The following KCNJ12 variants were observed in gnomAD, a reference collection of about 807,000 sequenced individuals.
KCNJ12 encodes ATP-sensitive inward rectifier potassium channel 12.
In KCNJ12, 2 loss-of-function variants were observed where a neutral mutation model predicts 22.3. The observed-to-expected ratio is 0.09, with a 90% confidence interval of 0.04 to 0.28. KCNJ12 has a LOEUF of 0.28. Among genes scored for constraint, KCNJ12 ranks in the 10% least tolerant of loss-of-function variants. KCNJ12 has a pLI of 1.00. For missense variants in KCNJ12, 155 were observed against 633.3 expected (o/e 0.24, Z 8.11); for synonymous variants, 117 against 261.4 (o/e 0.45, Z 5.33).
intron 1 of KCNJ12, among the ~76,000 whole-genome samples, chr17:21,394,722 G>A (rs1905295386): frequency 6.6e-6 from 1 of 152,172 alleles, no homozygotes; most frequent in South Asian, 2.1e-4. Flanking sequence ...GTGTGGTCAG[G>A]GCTGTGGCAG....
chr17:21,389,557 C>T (rs935690135), intron 1 of KCNJ12, among the ~76,000 whole-genome samples: 3 of 152,182 alleles, frequency 2.0e-5, no homozygotes, highest in African/African-American at 7.2e-5. Context: ...TACTTACCCA[C>T]TCACTCATTC....
chr17:21,402,520 T>C (rs1286552805), intron 1 of KCNJ12, among the ~76,000 whole-genome samples: 20 of 152,310 alleles, frequency 1.3e-4, no homozygotes, highest in Non-Finnish European at 2.9e-4. Context: ...AAATGGGGCC[T>C]GGGGCAGAGC....
chr17:21,410,815 C>T (rs1338488613), intron 2 of KCNJ12, among the ~76,000 whole-genome samples: 1 of 152,304 alleles, frequency 6.6e-6, no homozygotes, highest in Non-Finnish European at 1.5e-5. Context: ...CTCAATCTTC[C>T]TAGGCTTCCG....
At chr17:21,386,886 C>T (rs1008295493) in intron 1 of KCNJ12, among the ~76,000 whole-genome samples, 3 of 152,348 alleles carry the variant, frequency 2.0e-5, no homozygotes, top group Non-Finnish European at 2.9e-5. Context: ...TCTATATTTG[C>T]AAAGGCTCTT....
At chr17:21,412,046 A>ACG (rs1468204278) in intron 2 of KCNJ12, among the ~76,000 whole-genome samples, 5 of 152,124 alleles carry the variant, frequency 3.3e-5, no homozygotes, top group African/African-American at 9.7e-5. Flanking sequence ...ACACACACGC[A>ACG]CACACGGCAG....
intron 1 of KCNJ12, among the ~76,000 whole-genome samples, chr17:21,406,735 G>T (rs1374084171): frequency 6.6e-6 from 1 of 152,308 alleles, no homozygotes; most frequent in Non-Finnish European, 1.5e-5. Context: ...GGCTAATGAG[G>T]TGGGGGTGAC....
At chr17:21,383,644 C>T (rs1555558294) in intron 1 of KCNJ12, among the ~76,000 whole-genome samples, 1 of 152,210 alleles carries the variant, frequency 6.6e-6, no homozygotes, top group African/African-American at 2.4e-5. Flanking sequence ...AATCACAAGC[C>T]ACCCCCAGCC....
At chr17:21,407,324 CCACTCATT>C (rs1166648598) in intron 1 of KCNJ12, among the ~76,000 whole-genome samples, 423 of 152,274 alleles carry the variant, frequency 2.8e-3, no homozygotes, top group Non-Finnish European at 4.7e-3. Flanking sequence ...ATCCACTCAT[CCACTCATT>C]CACTCCACCC....
At chr17:21,398,384 G>A (rs923904815) in intron 1 of KCNJ12, among the ~76,000 whole-genome samples, 5 of 152,150 alleles carry the variant, frequency 3.3e-5, no homozygotes, top group Admixed American at 2.0e-4. Flanking sequence ...ATGTGCAGCC[G>A]AGGGAATGAA....
At chr17:21,385,140 C>G (rs1905032855) in intron 1 of KCNJ12, among the ~76,000 whole-genome samples, 1 of 152,184 alleles carries the variant, frequency 6.6e-6, no homozygotes, top group African/African-American at 2.4e-5. Flanking sequence ...CCTTGTCATT[C>G]CTTGGAACCT....
At chr17:21,379,773 G>A (rs1904799971) in intron 1 of KCNJ12, among the ~76,000 whole-genome samples, 1 of 150,696 alleles carries the variant, frequency 6.6e-6, no homozygotes, top group African/African-American at 2.4e-5. Context: ...CAGAGCTTCA[G>A]AGGCACCATG....
chr17:21,394,164 A>G (rs1905276569), intron 1 of KCNJ12, among the ~76,000 whole-genome samples: 1 of 152,182 alleles, frequency 6.6e-6, no homozygotes, highest in Admixed American at 6.5e-5. Context: ...GAGGGTGTGT[A>G]TGAGAGTGAT....
At chr17:21,408,205 A>G (rs1906097691) in intron 1 of KCNJ12, among the ~76,000 whole-genome samples, 1 of 152,300 alleles carries the variant, frequency 6.6e-6, no homozygotes, top group South Asian at 2.1e-4. Context: ...ACCTTGTGTA[A>G]TTGTGAGGAT....
intron 1 of KCNJ12, among the ~76,000 whole-genome samples, chr17:21,394,192 G>A (rs1456816249): frequency 6.6e-6 from 1 of 152,122 alleles, no homozygotes; most frequent in African/African-American, 2.4e-5. Context: ...GATCATCAAG[G>A]GGCTGCCCTA....
At position 21,390,442 on chromosome 17, in the gene KCNJ12, G is replaced by A. The variant is rs564027145; in HGVS notation, c.-179+13529G>A. On this transcript the variant is annotated intron_variant, in intron 1 of 2. Coordinates refer to ENST00000583088, the MANE Select transcript of KCNJ12 (RefSeq NM_021012.5). ...CATAGACTCCATGGGAGAGGGACTCGCTTCTGGAGAAGGGGCCCAGACCTG... is the reference window on the plus strand; with the variant it reads ...CATAGACTCCATGGGAGAGGGACTCACTTCTGGAGAAGGGGCCCAGACCTG... Among the ~76,000 whole-genome samples, 6 of 152,346 alleles carry A rather than the reference G, an allele frequency of 3.9e-5. No homozygotes were observed. In the South Asian group the frequency reaches 1.0e-3, roughly 26 times the overall value.
At chr17:21,406,124 G>C in intron 1 of KCNJ12, among the ~76,000 whole-genome samples, 1 of 152,302 alleles carries the variant, frequency 6.6e-6, no homozygotes, top group East Asian at 1.9e-4. Context: ...GGCAATATCC[G>C]ACCTTCGCTG....
intron 2 of KCNJ12, among the ~76,000 whole-genome samples, chr17:21,411,265 T>C (rs1315124082): frequency 5.9e-5 from 9 of 152,422 alleles, no homozygotes; most frequent in Middle Eastern, 3.4e-3. Flanking sequence ...AGCTGCCGTC[T>C]GGCATCCTCT....
rs543892689 is a variant in KCNJ12 at position 21,396,202 on chromosome 17, AGCTGAGT to A, written c.-178-12313_-178-12307del. ...GCTCTCGAGAACTTGCTGAGGCTAG[AGCTGAGT>A]GCTACATGCACCTGGACTCCTTGCT... On this transcript the variant is annotated intron_variant, in intron 1 of 2. Coordinates refer to ENST00000583088, the MANE Select transcript of KCNJ12 (RefSeq NM_021012.5). 4.3e-4 allele frequency among the ~76,000 whole-genome samples: 66 copies of A among 152,102 alleles called. 1 individual carries two copies. The East Asian group carries it at 0.012, about 29-fold the overall frequency.
chr17:21,400,627 C>A (rs1190976116), intron 1 of KCNJ12, among the ~76,000 whole-genome samples: 27 of 152,416 alleles, frequency 1.8e-4, no homozygotes, highest in Non-Finnish European at 3.7e-4. Flanking sequence ...CTGCCCTGTC[C>A]TTTCCCGACA....
Sources: gnomAD v4.1 joint callset for allele counts (sites outside exome capture counted in the v4.1 genomes callset) on GRCh38, gnomAD v4.1.1 for gene constraint, MANE v1.5 for transcripts, NCBI Gene and HGNC (gene_info 2026-07-23, HGNC 2026-07-21) for gene names.